Variants in KCTD8 observed in about 807,000 individuals in gnomAD.
KCTD8 encodes the protein potassium channel tetramerization domain containing 8, also known as BTB/POZ domain-containing protein KCTD8.
Under a neutral mutation model 31.5 loss-of-function variants are expected in KCTD8, and 27 were observed. That is an observed-to-expected ratio of 0.86 (90% CI 0.63 to 1.18). KCTD8 has a LOEUF of 1.18. Ranked by LOEUF, KCTD8 falls within the 50% of genes most tolerant of loss-of-function variation. KCTD8 has a pLI of 0.00. For missense variants in KCTD8, 658 were observed against 647.7 expected (o/e 1.02, Z -0.17); for synonymous variants, 290 against 280.0 (o/e 1.04, Z -0.36).
intron 1 of KCTD8, among the ~76,000 whole-genome samples, chr4:44,305,049 A>G (rs1168239976): frequency 6.6e-6 from 1 of 152,034 alleles, no homozygotes; most frequent in Non-Finnish European, 1.5e-5. Context: ...GTATAAGAAT[A>G]TTTTATGGTT....
At position 44,307,089 on chromosome 4, in the gene KCTD8, G is replaced by C. The variant is rs535093455; in HGVS notation, c.962-131839C>G. 2.6e-3 allele frequency among the ~76,000 whole-genome samples: 389 copies of C among 152,026 alleles called. 1 individual carries two copies. The highest frequency in any genetic ancestry group is 3.9e-3 in the Non-Finnish European group (268 of 67,910). On this transcript the variant is annotated intron_variant, in intron 1 of 1. Coordinates refer to ENST00000360029, the MANE Select transcript of KCTD8 (RefSeq NM_198353.3). ...AGTAATTAAGAGTAATAAAGGAGCAGAATTAAGCTCAATACAAATAAAGAT... is the reference window on the plus strand; with the variant it reads ...AGTAATTAAGAGTAATAAAGGAGCACAATTAAGCTCAATACAAATAAAGAT...
chr4:44,322,435 T>C (rs1224732290), intron 1 of KCTD8, among the ~76,000 whole-genome samples: 2 of 152,058 alleles, frequency 1.3e-5, no homozygotes, highest in Non-Finnish European at 2.9e-5. Flanking sequence ...CATTCTTTAA[T>C]TGGATTATTT....
At chr4:44,339,796 CACA>C (rs1447350345) in intron 1 of KCTD8, among the ~76,000 whole-genome samples, 5 of 152,222 alleles carry the variant, frequency 3.3e-5, no homozygotes, top group East Asian at 1.9e-4. Flanking sequence ...GCTTCCTGAT[CACA>C]ACAATACTAA....
At chr4:44,320,838 A>C (rs1414401799) in intron 1 of KCTD8, among the ~76,000 whole-genome samples, 1 of 150,444 alleles carries the variant, frequency 6.6e-6, no homozygotes, top group Non-Finnish European at 1.5e-5. Flanking sequence ...AAAAAAAAAA[A>C]GCCAATTAAT....
At chr4:44,368,873 T>G (rs1719708734) in intron 1 of KCTD8, among the ~76,000 whole-genome samples, 1 of 152,178 alleles carries the variant, frequency 6.6e-6, no homozygotes, top group Non-Finnish European at 1.5e-5. Context: ...TCTAGAAATC[T>G]TACCTTTTGG....
chr4:44,235,521 T>G (rs1248192806), intron 1 of KCTD8, among the ~76,000 whole-genome samples: 1 of 71,942 alleles, frequency 1.4e-5, no homozygotes, highest in African/African-American at 4.3e-5. Context: ...AGAGAGACAC[T>G]GGATTATATA....
At chr4:44,319,960 T>A (rs1258482443) in intron 1 of KCTD8, among the ~76,000 whole-genome samples, 2 of 151,584 alleles carry the variant, frequency 1.3e-5, no homozygotes, top group Non-Finnish European at 2.9e-5. Flanking sequence ...TTACCTGAGG[T>A]CATGAGTTCA....
In KCTD8 at chr4:44,405,478, C is replaced by T. The variant is rs185687850; in HGVS notation, c.961+42085G>A. Among the ~76,000 whole-genome samples the T allele has an allele frequency of 2.8e-3, 432 of 152,088 alleles. 1 individual carries two copies. Among genetic ancestry groups the T allele is most frequent in the Non-Finnish European group, 4.4e-3 (299 of 67,992 alleles). Reference sequence around the variant, plus strand: ...TTCACCATGTTGGCCAGAATGGTCTCGATCTCTTGAGCTCATGATGAGCTC... The same window carrying T: ...TTCACCATGTTGGCCAGAATGGTCTTGATCTCTTGAGCTCATGATGAGCTC... On this transcript the variant is annotated intron_variant, in intron 1 of 1. Coordinates refer to ENST00000360029, the MANE Select transcript of KCTD8 (RefSeq NM_198353.3).
intron 1 of KCTD8, among the ~76,000 whole-genome samples, chr4:44,229,882 G>T (rs1715072382): frequency 6.6e-6 from 1 of 151,768 alleles, no homozygotes; most frequent in African/African-American, 2.4e-5. Context: ...GAACGTGCAG[G>T]TTTGTTACAT....
intron 1 of KCTD8, among the ~76,000 whole-genome samples, chr4:44,431,685 C>T (rs1018066317): frequency 6.6e-6 from 1 of 151,478 alleles, no homozygotes; most frequent in African/African-American, 2.4e-5. Flanking sequence ...ACTCAGGTGA[C>T]CAGAAATACA....
chr4:44,245,633 G>C (rs1715641696), intron 1 of KCTD8, among the ~76,000 whole-genome samples: 1 of 151,904 alleles, frequency 6.6e-6, no homozygotes, highest in Admixed American at 6.6e-5. Flanking sequence ...TGATAAAGGA[G>C]ACTATCAAGA....
At chr4:44,293,660 T>G in intron 1 of KCTD8, 1 of 357,124 alleles carries the variant, frequency 2.8e-6, no homozygotes, top group South Asian at 2.2e-5. Flanking sequence ...TTGGTTAGTA[T>G]TTTAATCAAT....
intron 1 of KCTD8, 39 bp downstream of exon 1, chr4:44,447,524 G>T: frequency 6.7e-7 from 1 of 1,495,348 alleles, no homozygotes; most frequent in Non-Finnish European, 8.9e-7. Flanking sequence ...CTCAGCAGGG[G>T]GCGAGGGGTG....
intron 1 of KCTD8, among the ~76,000 whole-genome samples, chr4:44,252,385 G>A (rs1715868325): frequency 2.0e-5 from 3 of 151,716 alleles, no homozygotes; most frequent in Non-Finnish European, 2.9e-5. Flanking sequence ...CCAGTAGTGG[G>A]ATTGCTGGAT....
chr4:44,281,473 T>C (rs953220868), intron 1 of KCTD8, among the ~76,000 whole-genome samples: 3 of 152,130 alleles, frequency 2.0e-5, no homozygotes, highest in Non-Finnish European at 2.9e-5. Context: ...CAAATTCTTC[T>C]GGACACTACT....
intron 1 of KCTD8, among the ~76,000 whole-genome samples, chr4:44,284,437 G>A (rs1449856299): frequency 6.6e-6 from 1 of 152,090 alleles, no homozygotes; most frequent in Non-Finnish European, 1.5e-5. Flanking sequence ...AACTGAAACT[G>A]GACCCCTTTC....
chr4:44,434,491 C>T (rs769642558), intron 1 of KCTD8, among the ~76,000 whole-genome samples: 2 of 151,846 alleles, frequency 1.3e-5, no homozygotes, highest in Non-Finnish European at 2.9e-5. Context: ...GGTATAAATG[C>T]AGCCCTGGTT....
chr4:44,213,999 G>A (rs1714569461), intron 1 of KCTD8, among the ~76,000 whole-genome samples: 1 of 152,168 alleles, frequency 6.6e-6, no homozygotes, highest in Non-Finnish European at 1.5e-5. Context: ...TTTATCAGCT[G>A]AGGGTCTTTT....
chr4:44,262,019 A>G (rs1231140695), intron 1 of KCTD8, among the ~76,000 whole-genome samples: 1 of 152,118 alleles, frequency 6.6e-6, no homozygotes, highest in Non-Finnish European at 1.5e-5. Context: ...AGGAGGACCC[A>G]ATAATGGAGA....
Sources: gnomAD v4.1 joint callset for allele counts (sites outside exome capture counted in the v4.1 genomes callset) on GRCh38, gnomAD v4.1.1 for gene constraint, MANE v1.5 for transcripts, NCBI Gene and HGNC (gene_info 2026-07-23, HGNC 2026-07-21) for gene names.